The following DAB1 variants were observed in gnomAD, a reference collection of about 807,000 sequenced individuals.
DAB1 encodes the protein DAB adaptor protein 1, also known as disabled homolog 1.
A neutral mutation model predicts 64.6 loss-of-function variants in DAB1; 15 were observed. That is an observed-to-expected ratio of 0.23 (90% CI 0.16 to 0.36). DAB1 has a LOEUF of 0.36. DAB1 is among the 10% of genes least tolerant of loss of function. The probability of loss-of-function intolerance (pLI) is 1.00; values close to 1 mark genes in which losing one functional copy is unlikely to be tolerated. For missense variants in DAB1, 596 were observed against 706.7 expected (o/e 0.84, Z 1.78); for synonymous variants, 235 against 251.9 (o/e 0.93, Z 0.64).
intron 5 of DAB1, among the ~76,000 whole-genome samples, chr1:58,004,336 G>A (rs1189756772): frequency 6.6e-6 from 1 of 152,168 alleles, no homozygotes; most frequent in Non-Finnish European, 1.5e-5. Context: ...CTATTTAAAT[G>A]CAGCTCTGAT....
intron 2 of DAB1, among the ~76,000 whole-genome samples, chr1:57,224,299 C>T (rs1667099911): frequency 6.6e-6 from 1 of 152,122 alleles, no homozygotes; most frequent in African/African-American, 2.4e-5. Flanking sequence ...TCTCATTTTC[C>T]TTAATCTCAC....
intron 5 of DAB1, among the ~76,000 whole-genome samples, chr1:58,075,132 A>T (rs145054433): frequency 7.9e-5 from 12 of 152,324 alleles, no homozygotes; most frequent in African/African-American, 2.2e-4. Context: ...ATTAAATTCC[A>T]ACCACCTAGG....
At chr1:57,178,684 A>G (rs1002416804) in intron 2 of DAB1, among the ~76,000 whole-genome samples, 1 of 152,190 alleles carries the variant, frequency 6.6e-6, no homozygotes, top group Non-Finnish European at 1.5e-5. Flanking sequence ...TGGTTATGTT[A>G]TAATGCCTTG....
chr1:57,301,094 CAA>C (rs367921486), intron 1 of DAB1, among the ~76,000 whole-genome samples: 1 of 141,660 alleles, frequency 7.1e-6, no homozygotes. Flanking sequence ...AATGAATCTT[CAA>C]AAAAAAAAAG....
At chr1:58,400,003 TAATAAATA>T (rs890259367) in intron 3 of DAB1, among the ~76,000 whole-genome samples, 14 of 151,888 alleles carry the variant, frequency 9.2e-5, no homozygotes, top group Admixed American at 6.6e-5. Flanking sequence ...CAAAAATAAA[TAATAAATA>T]AATAAATAAA....
At chr1:57,560,143 T>G (rs1485537831) in intron 7 of DAB1, among the ~76,000 whole-genome samples, 1 of 152,252 alleles carries the variant, frequency 6.6e-6, no homozygotes, top group Non-Finnish European at 1.5e-5. Flanking sequence ...CATAAGGCCC[T>G]CCAGGAGCAA....
chr1:57,634,587 C>A (rs1443150536), intron 7 of DAB1, among the ~76,000 whole-genome samples: 2 of 152,156 alleles, frequency 1.3e-5, no homozygotes, highest in Non-Finnish European at 2.9e-5. Flanking sequence ...ATCTACCTTA[C>A]CCTCTTCCAG....
intron 6 of DAB1, among the ~76,000 whole-genome samples, chr1:57,804,691 A>G (rs1291338056): frequency 1.3e-5 from 2 of 152,236 alleles, no homozygotes; most frequent in Non-Finnish European, 2.9e-5. Context: ...TGGATGATTA[A>G]GAGTTAACAC....
chr1:58,016,008 G>GA (rs978140316), intron 5 of DAB1, among the ~76,000 whole-genome samples: 3 of 152,040 alleles, frequency 2.0e-5, no homozygotes, highest in African/African-American at 7.2e-5. Context: ...AACAGCCTAG[G>GA]GGGGGGTAGT....
chr1:58,205,029 T>A (rs147403103), intron 4 of DAB1, among the ~76,000 whole-genome samples: 215 of 152,312 alleles, frequency 1.4e-3, no homozygotes, highest in African/African-American at 5.0e-3. Flanking sequence ...ATAATAGTAT[T>A]CATTTCACTG....
intron 1 of DAB1, among the ~76,000 whole-genome samples, chr1:57,877,966 A>C (rs1446721250): frequency 6.6e-6 from 1 of 152,212 alleles, no homozygotes; most frequent in East Asian, 1.9e-4. Context: ...TTATCCTGCT[A>C]TGTAGAGAGG....
chr1:58,494,798 G>A (rs75605743), intron 3 of DAB1, among the ~76,000 whole-genome samples: 22,969 of 152,148 alleles, frequency 0.15, 1,822 homozygotes, highest in Middle Eastern at 0.23. Context: ...TGGAGAAATA[G>A]GAACACCTTT....
intron 7 of DAB1, among the ~76,000 whole-genome samples, chr1:57,492,650 T>G (rs1644178437): frequency 6.6e-6 from 1 of 152,216 alleles, no homozygotes; most frequent in African/African-American, 2.4e-5. Context: ...CCTAGGATAG[T>G]GAAAGGAGAA....
chr1:58,252,714 C>G (rs1660832513), intron 4 of DAB1, among the ~76,000 whole-genome samples: 1 of 152,118 alleles, frequency 6.6e-6, no homozygotes, highest in African/African-American at 2.4e-5. Context: ...AAGCTAAACC[C>G]CAGACAGGTG....
intron 8 of DAB1, among the ~76,000 whole-genome samples, chr1:57,064,574 T>C (rs937649308): frequency 2.6e-5 from 4 of 152,170 alleles, no homozygotes; most frequent in Non-Finnish European, 5.9e-5. Context: ...CTTGAGGCCC[T>C]TGGACAGAGT....
chr1:57,022,670 A>C (rs1646658278), intron 11 of DAB1, among the ~76,000 whole-genome samples: 1 of 152,284 alleles, frequency 6.6e-6, no homozygotes, highest in Non-Finnish European at 1.5e-5. Flanking sequence ...AAAATGCAAG[A>C]AGATTGGTAT....
At chr1:57,302,749 G>A (rs1033840747) in intron 1 of DAB1, among the ~76,000 whole-genome samples, 3 of 152,136 alleles carry the variant, frequency 2.0e-5, no homozygotes, top group African/African-American at 7.2e-5. Context: ...AACTACAGGT[G>A]CATGATGCTG....
intron 6 of DAB1, among the ~76,000 whole-genome samples, chr1:57,738,152 C>A (rs147402762): frequency 2.0e-4 from 30 of 152,334 alleles, no homozygotes; most frequent in Non-Finnish European, 3.7e-4. Flanking sequence ...AGCTATGCGA[C>A]CTTCACCAAA....
At chr1:57,675,623 C>T (rs1396520597) in intron 6 of DAB1, among the ~76,000 whole-genome samples, 1 of 152,138 alleles carries the variant, frequency 6.6e-6, no homozygotes, top group East Asian at 1.9e-4. Flanking sequence ...ACCAGCGCTG[C>T]AGTGGAGTTA....
Sources: allele counts gnomAD v4.1 joint callset (sites outside exome capture counted in the v4.1 genomes callset), GRCh38; gene constraint gnomAD v4.1.1; transcripts MANE v1.5; gene names NCBI Gene and HGNC (gene_info 2026-07-23, HGNC 2026-07-21).